The following SLC43A2 variants were observed in gnomAD, a reference collection of about 807,000 sequenced individuals.
SLC43A2 encodes solute carrier family 43 member 2, also known as large neutral amino acids transporter small subunit 4.
SLC43A2 carries 38 observed loss-of-function variants against 63.2 expected under a neutral mutation model. The ratio of observed to expected loss-of-function variants is 0.60; its 90% CI spans 0.46 to 0.79. SLC43A2 has a LOEUF of 0.79. Ranked by LOEUF, SLC43A2 falls within the 30% of genes least tolerant of loss-of-function variation. The pLI, the probability that SLC43A2 is intolerant of heterozygous loss-of-function variation, is 0.00. For synonymous variants in SLC43A2, 322 were observed against 331.0 expected, an observed-to-expected ratio of 0.97 and a Z score of 0.30; for missense variants, 644 against 756.2, an observed-to-expected ratio of 0.85 and a Z score of 1.74.
intron 4 of SLC43A2, 61 bp from the exon 5 acceptor site, chr17:1,613,332 C>G (rs1907300624): frequency 2.0e-6 from 3 of 1,527,958 alleles, no homozygotes; most frequent in South Asian, 2.2e-5. Flanking sequence ...GAAGCCGGGA[C>G]CAGCCCAGAG....
intron 13 of SLC43A2, among the ~76,000 whole-genome samples, chr17:1,576,282 C>T (rs983853302): frequency 3.9e-5 from 6 of 152,028 alleles, no homozygotes; most frequent in Non-Finnish European, 5.9e-5. Flanking sequence ...CCTGGTTTCA[C>T]CATGTTGGCC....
chr17:1,591,375 C>T lies in SLC43A2; in HGVS notation c.825G>A (p.Val275=). The part of the protein sequence containing the change: ...QVTTVGRRLS[V]GSSMRSAKEQ... ...CCTTGGCACTCCTCATGGAGCTGCC[C>T]ACACTCAGGCGCCGGCCCACCGTGG... The change falls in exon 8 of 14, where the codon GTG becomes GTA. Residue 275 remains valine (V), a synonymous_variant. Coordinates refer to ENST00000301335, the MANE Select transcript of SLC43A2 (RefSeq NM_152346.3). 6.2e-7 allele frequency: 1 copy of T among 1,612,310 alleles called. No individual in the cohort carries two copies. The highest frequency in any genetic ancestry group is 1.1e-5 in the South Asian group (1 of 91,078).
chr17:1,601,931 C>T (rs185768771), intron 5 of SLC43A2, among the ~76,000 whole-genome samples: 1 of 151,184 alleles, frequency 6.6e-6, no homozygotes, highest in East Asian at 1.9e-4. Context: ...CTACCCCAGG[C>T]ATGCACTGCC....
intron 9 of SLC43A2, among the ~76,000 whole-genome samples, chr17:1,589,446 A>C (rs1226210961): frequency 6.6e-6 from 1 of 152,130 alleles, no homozygotes; most frequent in African/African-American, 2.4e-5. Flanking sequence ...CTCTGCAAAG[A>C]ATTTAAAAAT....
intron 2 of SLC43A2, among the ~76,000 whole-genome samples, chr17:1,617,316 G>T (rs529195161): frequency 6.6e-6 from 1 of 152,190 alleles, no homozygotes; most frequent in South Asian, 2.1e-4. Flanking sequence ...GGGAGACTGC[G>T]GCGCCTCCTT....
At chr17:1,585,613 C>A in intron 10 of SLC43A2, 1 of 1,218,028 alleles carries the variant, frequency 8.2e-7, no homozygotes, top group Non-Finnish European at 1.1e-6. Context: ...GTCTCCAACT[C>A]CTGGCCTCAA....
At chr17:1,603,384 A>G (rs575879549) in intron 5 of SLC43A2, among the ~76,000 whole-genome samples, 1 of 152,246 alleles carries the variant, frequency 6.6e-6, no homozygotes, top group South Asian at 2.1e-4. Flanking sequence ...GGTCAAGGTC[A>G]TCCTTCATGT....
intron 1 of SLC43A2, chr17:1,628,163 T>C (rs975964863): frequency 1.7e-5 from 5 of 291,802 alleles, no homozygotes; most frequent in Non-Finnish European, 3.1e-5. Context: ...GGGAGACGTC[T>C]CCCGCAGCTC....
At position 1,606,354 on chromosome 17, in the gene SLC43A2, A is replaced by G. The variant is rs1045254711; in HGVS notation, c.501+6841T>C. Among the ~76,000 whole-genome samples, 1 of 152,130 alleles carries G rather than the reference A, an allele frequency of 6.6e-6. No homozygotes were observed. Among genetic ancestry groups the G allele is most frequent in the Non-Finnish European group, 1.5e-5 (1 of 68,002 alleles). On this transcript the variant is annotated intron_variant, in intron 5 of 13. Transcript: ENST00000301335. The surrounding 1 kb of genome is among the most constrained non-coding windows in gnomAD (Gnocchi z 4.7). The stretch of plus-strand genomic sequence containing the variant: ...TCACTTCCCTCAGATCCCACCTCCC[A>G]TGAAATCATGCCTTCCTCAGGTTTA...
Position 1,591,724 on chromosome 17 carries a change from T to TGG in SLC43A2, c.595-27_595-26dup, listed in dbSNP as rs552449883. On this transcript the variant is annotated intron_variant, in intron 6 of 13. Coordinates refer to ENST00000301335, the MANE Select transcript of SLC43A2 (RefSeq NM_152346.3). ...GCTGACAGGCACCGCGGGGACGGGGTGGGGGGGGGAGGGGGCAGAGTTAGC... is the reference window on the plus strand; with the variant it reads ...GCTGACAGGCACCGCGGGGACGGGGTGGGGGGGGGGGAGGGGGCAGAGTTAGC... 658 of 219,828 alleles carry TGG rather than the reference T, an allele frequency of 3.0e-3. 2 individuals are homozygous for TGG. Among genetic ancestry groups the TGG allele is most frequent in the South Asian group, 5.6e-3 (98 of 17,438 alleles). 13.6% of individuals were successfully genotyped at this position (219,828 alleles called of 1,614,324 possible). A position where few individuals can be genotyped will look rare whatever the true frequency, so the allele number is the denominator to read the frequency against.
intron 2 of SLC43A2, among the ~76,000 whole-genome samples, chr17:1,627,131 G>A (rs994424394): frequency 1.3e-5 from 2 of 152,180 alleles, no homozygotes; most frequent in Non-Finnish European, 2.9e-5. Context: ...GGAAAGCCAC[G>A]GAGATGTCCT....
rs966637924 is a variant in SLC43A2, at chr17:1,590,951, G to A, written c.932-3C>T. 6.5e-7 allele frequency: 1 copy of A among 1,549,692 alleles called. No individual in the cohort carries two copies. The highest frequency in any genetic ancestry group is 8.7e-7 in the Non-Finnish European group (1 of 1,146,956). On this transcript the variant is annotated splice_polypyrimidine_tract_variant and splice_region_variant and intron_variant, in intron 8 of 13. Coordinates refer to ENST00000301335, the MANE Select transcript of SLC43A2 (RefSeq NM_152346.3). Reference sequence around the variant, plus strand: ...GCTGTGCATGAAGGAGGGGGCCACTGCAGGGAGAGGGTGCGGGGCTCAGGG... The same window carrying A: ...GCTGTGCATGAAGGAGGGGGCCACTACAGGGAGAGGGTGCGGGGCTCAGGG...
intron 5 of SLC43A2, among the ~76,000 whole-genome samples, chr17:1,600,443 G>A (rs976480198): frequency 1.1e-4 from 16 of 149,674 alleles, no homozygotes; most frequent in Non-Finnish European, 1.0e-4. Context: ...GAGCCACCGC[G>A]CCCTTCCAAT....
chr17:1,600,135 A>AATATATATATATATAATATAT (rs1905800659), intron 5 of SLC43A2, among the ~76,000 whole-genome samples: 3 of 47,936 alleles, frequency 6.3e-5, no homozygotes, highest in Non-Finnish European at 1.0e-4. Context: ...ATATTAATTG[A>AATATATATATATATAATATAT]ATATATATAT....
At chr17:1,585,571 G>T in intron 10 of SLC43A2, 1 of 855,028 alleles carries the variant, frequency 1.2e-6, no homozygotes, top group Non-Finnish European at 1.6e-6. Flanking sequence ...TGTAGAGACG[G>T]GGAGTGGGGG....
rs1173901117 is a variant in SLC43A2, at chr17:1,572,846, G to A, written c.*2758C>T. 4 of 152,136 alleles carry A rather than the reference G, an allele frequency of 2.6e-5. No individual in the cohort carries two copies. Among genetic ancestry groups the A allele is most frequent in the Non-Finnish European group, 5.9e-5 (4 of 68,066 alleles). 9.4% of individuals were successfully genotyped at this position (152,136 alleles called of 1,614,324 possible). A position where few individuals can be genotyped will look rare whatever the true frequency, so the allele number is the denominator to read the frequency against. On this transcript the variant is annotated 3_prime_UTR_variant, in exon 14 of 14. Transcript: ENST00000301335. Reference sequence around the variant, plus strand: ...CTTTGGCTGGGACTGGGCACTGCTGGGGACAGCACGGGCCACGTCTTCCCC... The same window carrying A: ...CTTTGGCTGGGACTGGGCACTGCTGAGGACAGCACGGGCCACGTCTTCCCC...
chr17:1,581,737 G>A (rs578168420), intron 11 of SLC43A2, among the ~76,000 whole-genome samples: 5 of 152,184 alleles, frequency 3.3e-5, no homozygotes, highest in South Asian at 2.1e-4. Flanking sequence ...GGTGACAAGG[G>A]CCACCTTACT....
At chr17:1,598,097 C>T (rs1056094055) in intron 5 of SLC43A2, among the ~76,000 whole-genome samples, 5 of 152,148 alleles carry the variant, frequency 3.3e-5, no homozygotes, top group Admixed American at 6.5e-5. Flanking sequence ...TGTTCCTGCC[C>T]GGCATGCCAG....
At chr17:1,608,825 C>T (rs754565134) in intron 5 of SLC43A2, among the ~76,000 whole-genome samples, 20 of 152,164 alleles carry the variant, frequency 1.3e-4, no homozygotes, top group Non-Finnish European at 2.2e-4. Flanking sequence ...AGGGTGTGCA[C>T]GGCTCTCCTG....
Sources: gnomAD v4.1 joint callset for allele counts (sites outside exome capture counted in the v4.1 genomes callset) on GRCh38, gnomAD v4.1.1 for gene constraint, Gnocchi (gnomAD v3.1) non-coding constraint, MANE v1.5 for transcripts, NCBI Gene and HGNC (gene_info 2026-07-23, HGNC 2026-07-21) for gene names.